The following PREX1 variants were observed in gnomAD, a reference collection of about 807,000 sequenced individuals.
The protein encoded by PREX1 is phosphatidylinositol 3,4,5-trisphosphate-dependent Rac exchanger 1 protein.
Under a neutral mutation model 198.3 loss-of-function variants are expected in PREX1, and 41 were observed. The observed-to-expected ratio is 0.21, with a 90% confidence interval of 0.16 to 0.27. PREX1 has a LOEUF of 0.27. PREX1 is among the 10% of genes least tolerant of loss of function. The probability of loss-of-function intolerance (pLI) is 1.00; values close to 1 mark genes in which losing one functional copy is unlikely to be tolerated. For synonymous variants in PREX1, 843 were observed against 887.2 expected (o/e 0.95, Z 0.89); for missense variants, 1,620 against 2,200.7 (o/e 0.74, Z 5.28).
chr20:48,711,430 G>A lies in PREX1; in HGVS notation c.622-3009C>T, dbSNP rs181124288. 4.6e-5 allele frequency among the ~76,000 whole-genome samples: 7 copies of A among 152,216 alleles called. No homozygotes were observed. The South Asian group carries it at 1.0e-3, about 23-fold the overall frequency. ...CATCTGGACCTTTGTGAGGCCAGCC[G>A]AGGCCAGGGAGTGAATGTGGCCAGT... On this transcript the variant is annotated intron_variant, in intron 5 of 39. Transcript: ENST00000371941.
chr20:48,733,705 C>CTGT (rs71337454), intron 4 of PREX1, among the ~76,000 whole-genome samples: 13 of 151,198 alleles, frequency 8.6e-5, no homozygotes, highest in East Asian at 3.9e-4. Flanking sequence ...GTTGTTGTTG[C>CTGT]TGTTGTTGTT....
intron 1 of PREX1, 61 bp from the exon 2 acceptor site, chr20:48,747,941 C>G (rs1000811301): frequency 3.4e-5 from 49 of 1,459,814 alleles, no homozygotes; most frequent in Non-Finnish European, 4.5e-5. Context: ...ATGGACGGCC[C>G]TACAGAAGGC....
At chr20:48,640,368 C>T (rs192072623) in intron 29 of PREX1, among the ~76,000 whole-genome samples, 2 of 152,322 alleles carry the variant, frequency 1.3e-5, no homozygotes, top group Non-Finnish European at 1.5e-5. Flanking sequence ...GCAGTGACAG[C>T]GCTGGGACTT....
At chr20:48,661,156 C>T (rs1173833499) in intron 15 of PREX1, among the ~76,000 whole-genome samples, 2 of 151,930 alleles carry the variant, frequency 1.3e-5, no homozygotes, top group African/African-American at 4.8e-5. Flanking sequence ...GCGGTGGCTC[C>T]GCCTGTAATC....
intron 18 of PREX1, chr20:48,656,470 T>C: frequency 2.2e-6 from 1 of 456,606 alleles, no homozygotes; most frequent in Non-Finnish European, 4.4e-6. Flanking sequence ...GCCCTCCCTC[T>C]CACTCACTGC....
At chr20:48,741,726 T>A (rs538976436) in intron 3 of PREX1, among the ~76,000 whole-genome samples, 1 of 152,122 alleles carries the variant, frequency 6.6e-6, no homozygotes, top group Non-Finnish European at 1.5e-5. Context: ...TGCAGCAACT[T>A]AAACAGGAGG....
At chr20:48,683,937 G>A (rs1361673480) in intron 10 of PREX1, among the ~76,000 whole-genome samples, 1 of 152,070 alleles carries the variant, frequency 6.6e-6, no homozygotes, top group Non-Finnish European at 1.5e-5. Flanking sequence ...GGAAACCAGC[G>A]ATCTGCCAGT....
intron 1 of PREX1, among the ~76,000 whole-genome samples, chr20:48,809,712 G>C (rs1022983138): frequency 6.6e-6 from 1 of 152,192 alleles, no homozygotes; most frequent in Non-Finnish European, 1.5e-5. Context: ...CACCAAACCT[G>C]ACCGGGATGG....
intron 1 of PREX1, among the ~76,000 whole-genome samples, chr20:48,790,013 C>CA (rs2090330980): frequency 6.6e-6 from 1 of 152,106 alleles, no homozygotes; most frequent in African/African-American, 2.4e-5. Context: ...AACCCATTAG[C>CA]AAAGAAGTAG....
chr20:48,762,327 T>C (rs1461337167), intron 1 of PREX1, among the ~76,000 whole-genome samples: 1 of 152,194 alleles, frequency 6.6e-6, no homozygotes, highest in Non-Finnish European at 1.5e-5. Context: ...TTCTCAACTT[T>C]GGTACCTTGA....
chr20:48,641,675 C>T (rs1424663339), intron 29 of PREX1, among the ~76,000 whole-genome samples: 1 of 151,570 alleles, frequency 6.6e-6, no homozygotes, highest in Non-Finnish European at 1.5e-5. Flanking sequence ...ACCTGTAGTC[C>T]CAGCTACTTA....
chr20:48,753,619 T>C (rs2090143628), intron 1 of PREX1, among the ~76,000 whole-genome samples: 1 of 152,038 alleles, frequency 6.6e-6, no homozygotes, highest in Admixed American at 6.5e-5. Flanking sequence ...TAGAAAAAAA[T>C]CCAACCTCTT....
At chr20:48,772,191 T>C (rs948623010) in intron 1 of PREX1, among the ~76,000 whole-genome samples, 4 of 151,326 alleles carry the variant, frequency 2.6e-5, no homozygotes, top group African/African-American at 9.7e-5. Flanking sequence ...CGAGACTCTG[T>C]CTCAAAATAA....
At chr20:48,828,310 G>T (rs1217770668), upstream of PREX1, among the ~76,000 whole-genome samples, 4 of 151,822 alleles carry the variant, frequency 2.6e-5, no homozygotes, top group African/African-American at 9.7e-5. Flanking sequence ...TCCGCGCCCG[G>T]ACGCGTGGCG....
chr20:48,774,502 G>A (rs1428486785), intron 1 of PREX1, among the ~76,000 whole-genome samples: 1 of 152,226 alleles, frequency 6.6e-6, no homozygotes, highest in Non-Finnish European at 1.5e-5. Context: ...TCAAATCCCA[G>A]ACCTACCCTT....
intron 29 of PREX1, 119 bp downstream of exon 29, chr20:48,642,049 G>A (rs1449973606): frequency 9.5e-7 from 1 of 1,050,884 alleles, no homozygotes. Flanking sequence ...TCGCTGTCCT[G>A]ATGATCCTAC....
the PREX1 span, among the ~76,000 whole-genome samples, chr20:48,837,142 A>G: frequency 6.6e-6 from 1 of 152,150 alleles, no homozygotes; most frequent in Non-Finnish European, 1.5e-5. Context: ...CACTAATCAG[A>G]ATGACTATTA....
chr20:48,644,573 T>C, intron 26 of PREX1, 76 bp from the exon 27 acceptor site: 1 of 1,347,914 alleles, frequency 7.4e-7, no homozygotes, highest in Admixed American at 1.9e-5. Flanking sequence ...AAACCCACTT[T>C]CTACAGTGTA....
chr20:48,721,967 G>T (rs954677480), intron 5 of PREX1, among the ~76,000 whole-genome samples: 1 of 152,128 alleles, frequency 6.6e-6, no homozygotes, highest in East Asian at 1.9e-4. Flanking sequence ...GGGGATGGAG[G>T]GGGTGGTGGG....
Sources: allele counts gnomAD v4.1 joint callset (sites outside exome capture counted in the v4.1 genomes callset), GRCh38; gene constraint gnomAD v4.1.1; transcripts MANE v1.5; gene names NCBI Gene and HGNC (gene_info 2026-07-23, HGNC 2026-07-21).